Variants in PTCHD1 observed in about 807,000 individuals in gnomAD.
PTCHD1 encodes the protein patched domain-containing protein 1.
Under a neutral mutation model 34.6 loss-of-function variants are expected in PTCHD1, and 3 were observed. The observed-to-expected ratio is 0.09, with a 90% confidence interval of 0.04 to 0.22. The LOEUF is 0.22. Among genes scored for constraint, PTCHD1 ranks in the 10% least tolerant of loss-of-function variants. The pLI is 1.00. For missense variants in PTCHD1, 504 were observed against 685.5 expected (o/e 0.74, Z 2.96); for synonymous variants, 305 against 283.1 (o/e 1.08, Z -0.77).
intron 1 of PTCHD1, among the ~76,000 whole-genome samples, chrX:23,357,234 A>C (rs1430508564): frequency 8.9e-6 from 1 of 112,048 alleles, no homozygotes; most frequent in East Asian, 2.8e-4. Flanking sequence ...AAAAGGCTTG[A>C]TCAGATACTT....
At chrX:23,391,100 C>T (rs1188795567) in intron 2 of PTCHD1, among the ~76,000 whole-genome samples, 1 of 111,590 alleles carries the variant, frequency 9.0e-6, no homozygotes, top group African/African-American at 3.3e-5. Flanking sequence ...CTGGCTCCAA[C>T]TACGAGAGGT....
chrX:23,347,506 T>C (rs1248916582), intron 1 of PTCHD1, among the ~76,000 whole-genome samples: 2 of 112,272 alleles, frequency 1.8e-5, no homozygotes, highest in Non-Finnish European at 3.8e-5. Flanking sequence ...AAACATTAAA[T>C]ACATTCTGAC....
At chrX:23,371,139 G>A (rs1922268304) in intron 1 of PTCHD1, among the ~76,000 whole-genome samples, 1 of 111,924 alleles carries the variant, frequency 8.9e-6, no homozygotes, top group South Asian at 3.8e-4. Context: ...CTAAATGCCA[G>A]GCCAGACACC....
rs1288086682 is a variant in PTCHD1 at position 23,395,433 on chromosome X, G to A, written c.*1248G>A. 9.0e-6 allele frequency: 1 copy of A among 111,711 alleles called. No individual in the cohort carries two copies. The highest frequency in any genetic ancestry group is 3.3e-5 in the African/African-American group (1 of 30,671). The allele number at this position is 111,711 out of a possible 1,213,427, so 9.2% of individuals were successfully genotyped here. On this transcript the variant is annotated 3_prime_UTR_variant, in exon 3 of 3. Coordinates refer to ENST00000379361, the MANE Select transcript of PTCHD1 (RefSeq NM_173495.3). Reference sequence around the variant, plus strand: ...AGATAGATGGAAAACACTGGAAAAAGTATTCACTGATACAAATCTATCAAT... The same window carrying A: ...AGATAGATGGAAAACACTGGAAAAAATATTCACTGATACAAATCTATCAAT...
intron 2 of PTCHD1, among the ~76,000 whole-genome samples, chrX:23,392,023 A>C (rs1922840520): frequency 9.9e-6 from 1 of 101,480 alleles, no homozygotes; most frequent in Non-Finnish European, 2.0e-5. Flanking sequence ...TTCCTGGCTA[A>C]GTTGTTTCAT....
intron 1 of PTCHD1, among the ~76,000 whole-genome samples, chrX:23,342,308 ATATTTTTT>A (rs1921356397): frequency 1.0e-4 from 1 of 9,698 alleles, no homozygotes; most frequent in Non-Finnish European, 1.4e-4. Context: ...ATATATATAT[ATATTTTTT>A]TTTTTTTTTT....
intron 1 of PTCHD1, among the ~76,000 whole-genome samples, chrX:23,345,235 C>A (rs1185398837): frequency 8.9e-6 from 1 of 112,148 alleles, no homozygotes; most frequent in Non-Finnish European, 1.9e-5. Context: ...GTTCTCTATC[C>A]CTAATCTCTT....
At chrX:23,379,490 T>G (rs1569139824) in intron 1 of PTCHD1, 101 bp from the exon 2 acceptor site, 1 of 859,813 alleles carries the variant, frequency 1.2e-6, no homozygotes, top group East Asian at 3.3e-5. Flanking sequence ...TTATAACATT[T>G]GATTTGAACT....
chrX:23,364,607 C>T (rs1372916055), intron 1 of PTCHD1, among the ~76,000 whole-genome samples: 5 of 112,015 alleles, frequency 4.5e-5, no homozygotes, highest in South Asian at 3.7e-4. Context: ...GCAGCAATGC[C>T]GATGCATGGA....
At position 23,394,068 on chromosome X, in the gene PTCHD1, A is replaced by G; in HGVS notation, c.2550A>G (p.Pro850=). The G allele has an allele frequency of 1.5e-5, 18 of 1,208,405 alleles. No individual in the cohort carries two copies. Among genetic ancestry groups the G allele is most frequent in the Non-Finnish European group, 2.0e-5 (18 of 893,804 alleles). The part of the protein sequence containing the change: ...AILPVILTFL[P]PSKKKRKEKK... Reference sequence around the variant, plus strand: ...TACCTGTGATACTGACTTTCCTGCCACCCTCTAAGAAAAAAAGGAAAGAGA... The same window carrying G: ...TACCTGTGATACTGACTTTCCTGCCGCCCTCTAAGAAAAAAAGGAAAGAGA... The change falls in exon 3 of 3, where the codon CCA becomes CCG. Residue 850 remains proline (P), a synonymous_variant. Transcript: ENST00000379361.
chrX:23,390,535 C>G (rs1489713376), intron 2 of PTCHD1, among the ~76,000 whole-genome samples: 1 of 111,491 alleles, frequency 9.0e-6, no homozygotes, highest in Non-Finnish European at 1.9e-5. Flanking sequence ...CAACAGGATG[C>G]CAGTCAATGA....
rs1452701050 is a variant in PTCHD1 at position 23,368,959 on chromosome X, G to T, written c.352-10632G>T. ...AGCAACTGTAATTCCAGCTACTCGG[G>T]AGGCTGAAGCAGGAGAATCGCTTGA... is the stretch of plus-strand genomic sequence containing the variant. On this transcript the variant is annotated intron_variant, in intron 1 of 2. Transcript: ENST00000379361. Among the ~76,000 whole-genome samples, 4 of 111,054 alleles carry T rather than the reference G, an allele frequency of 3.6e-5. No homozygotes were observed. In the East Asian group the frequency reaches 1.1e-3, roughly 31 times the overall value.
chrX:23,385,263 G>C lies in PTCHD1; in HGVS notation c.1012+5012G>C, dbSNP rs1012193418. ...ACCAATCATATTAGGGTGAGAGTAG[G>C]TGGAAATAAATAGGTTTAGGGGAAT... is the stretch of plus-strand genomic sequence containing the variant. On this transcript the variant is annotated intron_variant, in intron 2 of 2. Coordinates refer to ENST00000379361, the MANE Select transcript of PTCHD1 (RefSeq NM_173495.3). Among the ~76,000 whole-genome samples the C allele has an allele frequency of 1.3e-4, 15 of 111,672 alleles. No homozygotes were observed. The Admixed American group carries it at 1.4e-3, about 11-fold the overall frequency.
chrX:23,401,189 T>C lies in PTCHD1; in HGVS notation c.*7004T>C, dbSNP rs1213194253. The C allele has an allele frequency of 8.9e-6, 1 of 111,986 alleles. No homozygotes were observed. The highest frequency in any genetic ancestry group is 1.9e-5 in the Non-Finnish European group (1 of 53,239). The allele number at this position is 111,986 out of a possible 1,213,427, so 9.2% of individuals were successfully genotyped here. A position where few individuals can be genotyped will look rare whatever the true frequency, so the allele number is the denominator to read the frequency against. ...CCACCGTGCCCGGCAAGGGCTTTGTTCATTAGGATCAACAAAGTGCTTTGT... is the reference window on the plus strand; with the variant it reads ...CCACCGTGCCCGGCAAGGGCTTTGTCCATTAGGATCAACAAAGTGCTTTGT... On this transcript the variant is annotated 3_prime_UTR_variant, in exon 3 of 3. Coordinates refer to ENST00000379361, the MANE Select transcript of PTCHD1 (RefSeq NM_173495.3).
intron 1 of PTCHD1, chrX:23,351,246 T>C: frequency 1.3e-6 from 1 of 764,459 alleles, no homozygotes; most frequent in Non-Finnish European, 2.0e-6. Context: ...CTGTAGGTAA[T>C]GCTGCTCTAT....
chrX:23,373,605 T>G (rs1191359040), intron 1 of PTCHD1, among the ~76,000 whole-genome samples: 1 of 112,780 alleles, frequency 8.9e-6, no homozygotes, highest in Non-Finnish European at 1.9e-5. Flanking sequence ...TCTGGTGTTC[T>G]GATGTAATGC....
Position 23,392,373 on chromosome X carries a change from T to C in PTCHD1, c.1013-158T>C, listed in dbSNP as rs17343407. ...TTTACGATTCATAAAAACATGGGTCTATCTCCGCATAGGAGAAATCATTGG... is the reference window on the plus strand; with the variant it reads ...TTTACGATTCATAAAAACATGGGTCCATCTCCGCATAGGAGAAATCATTGG... On this transcript the variant is annotated intron_variant, in intron 2 of 2. Coordinates refer to ENST00000379361, the MANE Select transcript of PTCHD1 (RefSeq NM_173495.3). Among the ~76,000 whole-genome samples, 1,141 of 111,709 alleles carry C rather than the reference T, an allele frequency of 0.01. 66 individuals are homozygous for C. In the East Asian group the frequency reaches 0.21, roughly 21 times the overall value.
At chrX:23,338,271 C>T (rs1017219582) in intron 1 of PTCHD1, among the ~76,000 whole-genome samples, 2 of 112,187 alleles carry the variant, frequency 1.8e-5, no homozygotes, top group African/African-American at 6.5e-5. Flanking sequence ...TGCTGCTCTT[C>T]AAACATCTTC....
chrX:23,362,567 C>T (rs1462016066), intron 1 of PTCHD1, among the ~76,000 whole-genome samples: 1 of 111,864 alleles, frequency 8.9e-6, no homozygotes, highest in Admixed American at 9.4e-5. Context: ...GCAATGGGTT[C>T]GAACATCCTC....
Sources: allele counts gnomAD v4.1 joint callset (sites outside exome capture counted in the v4.1 genomes callset), GRCh38; gene constraint gnomAD v4.1.1; transcripts MANE v1.5; gene names NCBI Gene and HGNC (gene_info 2026-07-23, HGNC 2026-07-21).